Variants in PAXIP1 observed in about 807,000 individuals in gnomAD.
PAXIP1 encodes the protein PAX interacting protein 1.
A neutral mutation model predicts 140.6 loss-of-function variants in PAXIP1; 19 were observed. The observed-to-expected ratio is 0.14, with a 90% CI of 0.09 to 0.20. PAXIP1 has a LOEUF of 0.20. Ranked by LOEUF, PAXIP1 falls within the 10% of genes least tolerant of loss-of-function variation. The pLI is 1.00. For missense variants in PAXIP1, 920 were observed against 1,208.6 expected (o/e 0.76, Z 3.54); for synonymous variants, 442 against 444.6 (o/e 0.99, Z 0.07).
intron 4 of PAXIP1, 25 bp from the exon 5 acceptor site, chr7:154,983,357 T>C (rs746086761): frequency 8.5e-7 from 1 of 1,173,624 alleles, no homozygotes; most frequent in Non-Finnish European, 1.3e-6. Flanking sequence ...GAAAGAAGGC[T>C]TTTACCATAC....
intron 6 of PAXIP1, chr7:154,974,533 C>A (rs1809478639): frequency 1.3e-5 from 2 of 152,218 alleles, no homozygotes; most frequent in Admixed American, 1.3e-4. Context: ...GAACTCTGTG[C>A]CCTCAGTTCT....
chr7:154,984,347 A>AT (rs1809969499), intron 4 of PAXIP1, among the ~76,000 whole-genome samples: 1 of 152,174 alleles, frequency 6.6e-6, no homozygotes, highest in South Asian at 2.1e-4. Context: ...AACCGAGTAA[A>AT]TTTTTTCTGG....
chr7:154,948,862 T>A (rs886332426), intron 16 of PAXIP1: 1 of 152,100 alleles, frequency 6.6e-6, no homozygotes, highest in African/African-American at 2.4e-5. Flanking sequence ...TACCAAACTT[T>A]AAAGATTTAC....
rs940066349 is a variant in PAXIP1, at chr7:154,963,682, C to T, written c.1978G>A (p.Ala660Thr). 16 of 1,612,304 alleles carry T rather than the reference C, an allele frequency of 9.9e-6. No homozygotes were observed. The Admixed American group carries it at 1.0e-4, about 10-fold the overall frequency. The stretch of plus-strand genomic sequence containing the variant: ...GCTATTTTCCTTACCTGTGCATACG[C>T]GCTGCTGACTTGACTCTCACAGAGA... Reference protein sequence around the residue: ...HLLCESQVSSAYAQAIRERKR... With the variant: ...HLLCESQVSSTYAQAIRERKR... The change falls in exon 9 of 21, where the codon GCG (alanine) becomes ACG (threonine). Residue 660 changes from alanine to threonine, a missense_variant. This residue lies in a region of PAXIP1 where 303 missense variants were observed against 517.9 expected (regional missense o/e 0.59). Transcript: ENST00000404141. This position sits in a 1 kb window ranked among gnomAD's most constrained non-coding sequence, Gnocchi z 4.1.
In PAXIP1 at chr7:154,968,157, G is replaced by C. The variant is rs77831477; in HGVS notation, c.1798+246C>G. ...CCTGGCCATTAAATACCCTGAATGA[G>C]TCCCTGTGGCAGCCTAGATGTTCTA... On this transcript the variant is annotated intron_variant, in intron 7 of 20. Transcript: ENST00000404141. 4.5e-3 allele frequency among the ~76,000 whole-genome samples: 686 copies of C among 152,224 alleles called. 6 individuals carry two copies. Among genetic ancestry groups the C allele is most frequent in the African/African-American group, 0.015 (634 of 41,512 alleles).
In PAXIP1 at chr7:154,954,271, C is replaced by A. The variant is rs1435169841; in HGVS notation, c.2805G>T (p.Arg935Ser). ...GCTCCTTACCAATGAACTTCTGACA[C>A]CTGAAGCATTCTTCCAGCCACTCTG... ...VTPEWLEECFRCQKFIDEQNY... is the reference protein window; with the variant it reads ...VTPEWLEECFSCQKFIDEQNY... Residue 935 changes from arginine to serine, a missense_variant, in exon 16 of 21, where the codon AGG (arginine) becomes AGT (serine). Coordinates refer to ENST00000404141, the MANE Select transcript of PAXIP1 (RefSeq NM_007349.4). The surrounding 1 kb of genome is among the most constrained non-coding windows in gnomAD (Gnocchi z 5.1). 1.3e-6 allele frequency: 2 copies of A among 1,561,408 alleles called. No individual in the cohort carries two copies. Among genetic ancestry groups the A allele is most frequent in the Admixed American group, 3.5e-5 (2 of 57,568 alleles).
Position 154,992,236 on chromosome 7 carries a change from A to C in PAXIP1, c.261-1167T>G, listed in dbSNP as rs114853278. Among the ~76,000 whole-genome samples, 793 of 152,190 alleles carry C rather than the reference A, an allele frequency of 5.2e-3. 7 individuals carry two copies. Among genetic ancestry groups the C allele is most frequent in the African/African-American group, 0.018 (750 of 41,532 alleles). ...GGCACAATCTTTTGTTCTTATGGAT[A>C]GGCAAGTAAGAGCTCAAAGAAGATC... On this transcript the variant is annotated intron_variant, in intron 3 of 20. Transcript: ENST00000404141.
chr7:154,998,059 GGACGA>G (rs770088205), intron 2 of PAXIP1, among the ~76,000 whole-genome samples: 2 of 152,202 alleles, frequency 1.3e-5, no homozygotes, highest in Non-Finnish European at 2.9e-5. Flanking sequence ...TGGTAACGTG[GGACGA>G]GTTCTGCAGC....
At chr7:154,985,933 G>C (rs1810049887) in intron 4 of PAXIP1, 2 of 1,088,306 alleles carry the variant, frequency 1.8e-6, no homozygotes, top group East Asian at 5.5e-5. Flanking sequence ...ATACAGAATG[G>C]AAAGGACTTT....
In PAXIP1 at chr7:154,986,030, A is replaced by G; in HGVS notation, c.325-2698T>C. 3.7e-6 allele frequency: 5 copies of G among 1,365,774 alleles called. No individual in the cohort carries two copies. Among genetic ancestry groups the G allele is most frequent in the Non-Finnish European group, 4.9e-6 (5 of 1,021,584 alleles). 84.6% of individuals were successfully genotyped at this position (1,365,774 alleles called of 1,614,324 possible). On this transcript the variant is annotated intron_variant, in intron 4 of 20. Transcript: ENST00000404141. The surrounding 1 kb of genome is among the most constrained non-coding windows in gnomAD (Gnocchi z 4.8). ...CCCAAAACCTACCCAGCACATTACAACAGAGGCCTCAGCCTGCATCAATAC... is the reference window on the plus strand; with the variant it reads ...CCCAAAACCTACCCAGCACATTACAGCAGAGGCCTCAGCCTGCATCAATAC...
At position 154,963,164 on chromosome 7, in the gene PAXIP1, G is replaced by A. The variant is rs1048425684; in HGVS notation, c.1989+507C>T. On this transcript the variant is annotated intron_variant, in intron 9 of 20. Transcript: ENST00000404141. The surrounding 1 kb of genome is among the most constrained non-coding windows in gnomAD (Gnocchi z 4.1). Reference sequence around the variant, plus strand: ...AGCTGGAATGGTGACTGCAGGGAGTGTCCGCCCTTTCTTTCTTTTATTTTT... The same window carrying A: ...AGCTGGAATGGTGACTGCAGGGAGTATCCGCCCTTTCTTTCTTTTATTTTT... Among the ~76,000 whole-genome samples, 11 of 152,032 alleles carry A rather than the reference G, an allele frequency of 7.2e-5. No individual in the cohort carries two copies. Among genetic ancestry groups the A allele is most frequent in the African/African-American group, 2.7e-4 (11 of 41,410 alleles).
At chr7:154,966,486 C>G (rs1262746769) in intron 8 of PAXIP1, among the ~76,000 whole-genome samples, 2 of 152,200 alleles carry the variant, frequency 1.3e-5, no homozygotes, top group East Asian at 1.9e-4. Context: ...TCCCAAGATC[C>G]TATTTAATGT....
chr7:154,964,743 CAG>C lies in PAXIP1; in HGVS notation c.1894-979_1894-978del, dbSNP rs1298219252. On this transcript the variant is annotated intron_variant, in intron 8 of 20. Coordinates refer to ENST00000404141, the MANE Select transcript of PAXIP1 (RefSeq NM_007349.4). ...CAAGCCTTCCTGATTTGGTTATATC[CAG>C]ACTCTTGTTTAGATCATTCATCAGT... is the stretch of plus-strand genomic sequence containing the variant. The C allele has an allele frequency of 5.3e-5, 8 of 152,302 alleles. No individual in the cohort carries two copies. The East Asian group carries it at 1.3e-3, about 26-fold the overall frequency. The allele number at this position is 152,302 out of a possible 1,614,324, so 9.4% of individuals were successfully genotyped here.
In PAXIP1 at chr7:154,954,001, A is replaced by G. The variant is rs1192830675; in HGVS notation, c.2821+254T>C. Among the ~76,000 whole-genome samples the G allele has an allele frequency of 6.6e-6, 1 of 152,224 alleles. No individual in the cohort carries two copies. The highest frequency in any genetic ancestry group is 2.4e-5 in the African/African-American group (1 of 41,442). On this transcript the variant is annotated intron_variant, in intron 16 of 20. Transcript: ENST00000404141. The surrounding 1 kb of genome is among the most constrained non-coding windows in gnomAD (Gnocchi z 5.1). The stretch of plus-strand genomic sequence containing the variant: ...TTTCCAAACAAAATATACTAACAAG[A>G]AAATAAAAAGAGGGATATAGAGGTT...
intron 2 of PAXIP1, among the ~76,000 whole-genome samples, chr7:154,994,415 C>T (rs1423705320): frequency 6.6e-6 from 1 of 152,112 alleles, no homozygotes; most frequent in Non-Finnish European, 1.5e-5. Context: ...CCCATTACTA[C>T]ATTCTGGAAG....
intron 2 of PAXIP1, among the ~76,000 whole-genome samples, chr7:154,994,435 T>C (rs540724433): frequency 6.6e-6 from 1 of 152,256 alleles, no homozygotes; most frequent in East Asian, 1.9e-4. Flanking sequence ...GGCAGCTGAC[T>C]TCCAGAAACT....
intron 6 of PAXIP1, among the ~76,000 whole-genome samples, chr7:154,971,588 C>A (rs1379679161): frequency 6.6e-6 from 1 of 152,282 alleles, no homozygotes; most frequent in East Asian, 1.9e-4. Flanking sequence ...TCCTGGAGAA[C>A]GTAAGAAAAA....
At chr7:154,972,092 C>A (rs1466746148) in intron 6 of PAXIP1, among the ~76,000 whole-genome samples, 1 of 152,242 alleles carries the variant, frequency 6.6e-6, no homozygotes, top group African/African-American at 2.4e-5. Flanking sequence ...AAACTCCCTA[C>A]TGCAGTCAAT....
intron 3 of PAXIP1, among the ~76,000 whole-genome samples, chr7:154,992,543 C>T (rs914200911): frequency 3.3e-5 from 5 of 150,748 alleles, no homozygotes; most frequent in Non-Finnish European, 5.9e-5. Context: ...TACAGTGAGC[C>T]GAGATCGTGC....
Sources: allele counts gnomAD v4.1 joint callset (sites outside exome capture counted in the v4.1 genomes callset), GRCh38; gene constraint gnomAD v4.1.1; regional missense constraint gnomAD v4.1.1; non-coding constraint Gnocchi (gnomAD v3.1); transcripts MANE v1.5; gene names NCBI Gene and HGNC (gene_info 2026-07-23, HGNC 2026-07-21).